The following CRADD variants were observed in gnomAD, a reference collection of about 807,000 sequenced individuals.
The protein encoded by CRADD is death domain-containing protein CRADD.
A neutral mutation model predicts 15.5 loss-of-function variants in CRADD; 9 were observed. The observed-to-expected ratio is 0.58, with a 90% CI of 0.35 to 1.01. The LOEUF is 1.01. Ranked by LOEUF, CRADD falls within the 50% of genes least tolerant of loss-of-function variation. The pLI, the probability that CRADD is intolerant of heterozygous loss-of-function variation, is 0.02. For missense variants in CRADD, 227 were observed against 250.3 expected (o/e 0.91, Z 0.63); for synonymous variants, 118 against 107.6 (o/e 1.10, Z -0.60).
chr12:93,751,962 C>A (rs1956833185), intron 2 of CRADD, among the ~76,000 whole-genome samples: 1 of 152,198 alleles, frequency 6.6e-6, no homozygotes, highest in Non-Finnish European at 1.5e-5. Context: ...AACTGCCAGC[C>A]TCATTTTTCA....
intron 2 of CRADD, among the ~76,000 whole-genome samples, chr12:93,762,996 C>T (rs550249213): frequency 1.3e-5 from 2 of 152,244 alleles, no homozygotes; most frequent in Admixed American, 6.5e-5. Flanking sequence ...GTGGCTAAAA[C>T]GTAAGCAACT....
Position 93,786,333 on chromosome 12 carries a change from A to G in CRADD, c.299-63637A>G, listed in dbSNP as rs75614406. On this transcript the variant is annotated intron_variant, in intron 2 of 2. Transcript: ENST00000332896. ...GGAATGTGTAAACGTATACATCTGT[A>G]TTTAACTTCTCAAAGCTTCAAGTTT... Among the ~76,000 whole-genome samples the G allele has an allele frequency of 9.8e-5, 15 of 152,292 alleles. No homozygotes were observed. In the East Asian group the frequency reaches 2.7e-3, roughly 27 times the overall value.
chr12:93,860,625 G>A (rs1268023346), intron 2 of CRADD, among the ~76,000 whole-genome samples: 3 of 152,156 alleles, frequency 2.0e-5, no homozygotes, highest in African/African-American at 7.2e-5. Flanking sequence ...GGAGGGAGCC[G>A]TGCTGAGGCC....
chr12:93,735,903 G>A (rs1956559535), intron 2 of CRADD, among the ~76,000 whole-genome samples: 1 of 151,880 alleles, frequency 6.6e-6, no homozygotes, highest in African/African-American at 2.4e-5. Context: ...TATATAAAGT[G>A]CATAGCAAGC....
At chr12:93,766,870 A>G (rs1006407339) in intron 2 of CRADD, among the ~76,000 whole-genome samples, 5 of 152,212 alleles carry the variant, frequency 3.3e-5, no homozygotes, top group Admixed American at 2.0e-4. Flanking sequence ...AGAACACTGT[A>G]GAAGAAGATG....
At position 93,760,302 on chromosome 12, in the gene CRADD, G is replaced by C. The variant is rs150832892; in HGVS notation, c.298+81230G>C. ...GACTTGTGGGGAGAGTGTGTGTGAGGAGAAGAAAGTGTACTTTTTCTGCCC... is the reference window on the plus strand; with the variant it reads ...GACTTGTGGGGAGAGTGTGTGTGAGCAGAAGAAAGTGTACTTTTTCTGCCC... On this transcript the variant is annotated intron_variant, in intron 2 of 2. Coordinates refer to ENST00000332896, the MANE Select transcript of CRADD (RefSeq NM_003805.5). Among the ~76,000 whole-genome samples the C allele has an allele frequency of 1.8e-4, 27 of 152,250 alleles. No individual in the cohort carries two copies. The East Asian group carries it at 4.6e-3, about 26-fold the overall frequency.
intron 2 of CRADD, among the ~76,000 whole-genome samples, chr12:93,777,797 G>T (rs779955001): frequency 6.6e-6 from 1 of 152,174 alleles, no homozygotes; most frequent in Admixed American, 6.5e-5. Context: ...ACCAAAGCCC[G>T]TTTTTCCTGG....
intron 2 of CRADD, among the ~76,000 whole-genome samples, chr12:93,728,725 T>C (rs957739907): frequency 6.6e-6 from 1 of 152,214 alleles, no homozygotes; most frequent in African/African-American, 2.4e-5. Flanking sequence ...GAAAAAGTTA[T>C]AGCCTTAAGC....
chr12:93,778,807 T>C (rs1957168502), intron 2 of CRADD, among the ~76,000 whole-genome samples: 1 of 152,130 alleles, frequency 6.6e-6, no homozygotes, highest in African/African-American at 2.4e-5. Context: ...GAATTTCTTT[T>C]TGTGTTCTTG....
intron 2 of CRADD, among the ~76,000 whole-genome samples, chr12:93,780,863 C>T (rs546551888): frequency 2.6e-5 from 4 of 151,314 alleles, no homozygotes; most frequent in African/African-American, 9.7e-5. Context: ...ATCTCAGCCT[C>T]AGCCTCCTGC....
At chr12:93,695,105 T>C (rs1051139248) in intron 2 of CRADD, among the ~76,000 whole-genome samples, 5 of 152,210 alleles carry the variant, frequency 3.3e-5, no homozygotes, top group Admixed American at 1.3e-4. Flanking sequence ...AGCATGGTGT[T>C]GGCATAAAAA....
chr12:93,810,748 G>C (rs1226003256), intron 2 of CRADD, among the ~76,000 whole-genome samples: 1 of 151,996 alleles, frequency 6.6e-6, no homozygotes, highest in African/African-American at 2.4e-5. Flanking sequence ...CTCAAGCCCA[G>C]CCCCAACAGT....
intron 2 of CRADD, among the ~76,000 whole-genome samples, chr12:93,870,564 A>G (rs965091600): frequency 6.6e-6 from 1 of 152,142 alleles, no homozygotes; most frequent in African/African-American, 2.4e-5. Context: ...TTCCACCACC[A>G]TGCACCGCCA....
At chr12:93,782,274 T>C (rs555632710) in intron 2 of CRADD, among the ~76,000 whole-genome samples, 80 of 141,458 alleles carry the variant, frequency 5.7e-4, no homozygotes, top group Non-Finnish European at 3.4e-4. Context: ...TTCTCACTCA[T>C]AGGTGGGAAT....
intron 2 of CRADD, among the ~76,000 whole-genome samples, chr12:93,719,486 G>C (rs1325838649): frequency 6.6e-6 from 1 of 152,138 alleles, no homozygotes; most frequent in Non-Finnish European, 1.5e-5. Flanking sequence ...TATTTCCACT[G>C]CTTCTAGTTT....
At position 93,850,694 on chromosome 12, in the gene CRADD, A is replaced by G. The variant is rs1273303029; in HGVS notation, c.*423A>G. On this transcript the variant is annotated 3_prime_UTR_variant, in exon 3 of 3. Coordinates refer to ENST00000332896, the MANE Select transcript of CRADD (RefSeq NM_003805.5). This position sits in a 1 kb window ranked among gnomAD's most constrained non-coding sequence, Gnocchi z 4.0. ...TGAGGACTGAACTGTGGACTTTACT[A>G]TTCATAATGATAAAATAATAAAATG... is the stretch of plus-strand genomic sequence containing the variant. 6 of 984,114 alleles carry G rather than the reference A, an allele frequency of 6.1e-6. No homozygotes were observed. Among genetic ancestry groups the G allele is most frequent in the South Asian group, 4.7e-5 (1 of 21,268 alleles). 61.0% of individuals were successfully genotyped at this position (984,114 alleles called of 1,614,324 possible). A position where few individuals can be genotyped will look rare whatever the true frequency, so the allele number is the denominator to read the frequency against.
rs565613835 is a variant in CRADD, at chr12:93,884,332, C to T, written c.299-9718C>T. ...AATCTAAACCTTGGGATCTTAGTACCTTCTAGAAGGATGCAGAGAGGAAAG... is the reference window on the plus strand; with the variant it reads ...AATCTAAACCTTGGGATCTTAGTACTTTCTAGAAGGATGCAGAGAGGAAAG... On this transcript the variant is annotated intron_variant, in intron 2 of 2. Coordinates refer to the CRADD transcript ENST00000548483. Among the ~76,000 whole-genome samples, 224 of 152,276 alleles carry T rather than the reference C, an allele frequency of 1.5e-3. 1 individual carries two copies. The highest frequency in any genetic ancestry group is 2.7e-3 in the Non-Finnish European group (183 of 68,020).
chr12:93,714,468 A>T (rs557163764), intron 2 of CRADD: 9 of 152,366 alleles, frequency 5.9e-5, no homozygotes, highest in African/African-American at 2.2e-4. Context: ...AATCCCAGGG[A>T]ATCTGGTGAA....
chr12:93,706,439 TTG>T (rs1052125668), intron 2 of CRADD, among the ~76,000 whole-genome samples: 8 of 152,132 alleles, frequency 5.3e-5, no homozygotes, highest in African/African-American at 1.7e-4. Context: ...ATTTGTTTTT[TTG>T]TGTGTGTGTT....
Sources: allele counts gnomAD v4.1 joint callset (sites outside exome capture counted in the v4.1 genomes callset), GRCh38; gene constraint gnomAD v4.1.1; non-coding constraint Gnocchi (gnomAD v3.1); transcripts MANE v1.5; gene names NCBI Gene and HGNC (gene_info 2026-07-23, HGNC 2026-07-21).